The following SYT16 variants were observed in gnomAD, a reference collection of about 807,000 sequenced individuals.
SYT16 encodes the protein synaptotagmin-16.
SYT16 carries 42 observed loss-of-function variants against 61.4 expected under a neutral mutation model. The ratio of observed to expected loss-of-function variants is 0.68; its 90% CI spans 0.53 to 0.89. The LOEUF is 0.89. Among genes scored for constraint, SYT16 ranks in the 40% least tolerant of loss-of-function variants. SYT16 has a pLI of 0.00. For missense variants in SYT16, 804 were observed against 807.3 expected (o/e 1.00, Z 0.05); for synonymous variants, 314 against 302.3 (o/e 1.04, Z -0.40).
intron 1 of SYT16, among the ~76,000 whole-genome samples, chr14:61,859,141 G>A (rs555060571): frequency 1.3e-5 from 2 of 152,086 alleles, no homozygotes; most frequent in East Asian, 1.9e-4. Flanking sequence ...TTACAGGCGT[G>A]AGCCACCGCG....
intron 1 of SYT16, among the ~76,000 whole-genome samples, chr14:61,922,846 G>A (rs1027861111): frequency 2.6e-5 from 4 of 152,112 alleles, no homozygotes; most frequent in African/African-American, 4.8e-5. Flanking sequence ...TCAGGAGTTC[G>A]AGACAAGCCT....
chr14:61,885,108 T>A (rs1566651510), intron 1 of SYT16, among the ~76,000 whole-genome samples: 1 of 152,192 alleles, frequency 6.6e-6, no homozygotes, highest in Non-Finnish European at 1.5e-5. Context: ...TCATCACAAT[T>A]TCATTATCTG....
At chr14:62,012,369 G>A (rs1347241724) in intron 3 of SYT16, among the ~76,000 whole-genome samples, 1 of 152,212 alleles carries the variant, frequency 6.6e-6, no homozygotes, top group Non-Finnish European at 1.5e-5. Flanking sequence ...AACTGCTGGA[G>A]GCTGTCTGTG....
chr14:62,074,922 C>G (rs1041509892), intron 4 of SYT16, among the ~76,000 whole-genome samples: 2 of 152,168 alleles, frequency 1.3e-5, no homozygotes, highest in Non-Finnish European at 2.9e-5. Flanking sequence ...AAGTATTAAG[C>G]CTTCTGATAC....
intron 1 of SYT16, among the ~76,000 whole-genome samples, chr14:61,817,419 C>CA (rs58438991): frequency 0.019 from 1,590 of 82,384 alleles, 15 homozygotes; most frequent in South Asian, 0.072. Flanking sequence ...ACTCCATCTC[C>CA]AAAAAAAAAA....
chr14:61,898,603 A>C (rs917884388), intron 1 of SYT16, among the ~76,000 whole-genome samples: 3 of 152,254 alleles, frequency 2.0e-5, no homozygotes, highest in Admixed American at 6.5e-5. Context: ...AGATCTGTGC[A>C]CATTGGAACT....
intron 3 of SYT16, among the ~76,000 whole-genome samples, chr14:62,015,942 C>G (rs2053655917): frequency 6.6e-6 from 1 of 152,218 alleles, no homozygotes; most frequent in Non-Finnish European, 1.5e-5. Context: ...TTAATTGTTT[C>G]TTTGAGATAT....
In SYT16 at chr14:62,010,353, T is replaced by C. The variant is rs148934092; in HGVS notation, c.523+13811T>C. Among the ~76,000 whole-genome samples, 652 of 152,244 alleles carry C rather than the reference T, an allele frequency of 4.3e-3. 4 individuals carry two copies. Among genetic ancestry groups the C allele is most frequent in the African/African-American group, 0.015 (629 of 41,542 alleles). ...GATGAATGCTACCTTAATAGGGTGG[T>C]CCTATATTTTATAGGATGATCTCTC... On this transcript the variant is annotated intron_variant, in intron 3 of 7. Transcript: ENST00000683842.
Position 62,075,244 on chromosome 14 carries a change from C to T in SYT16, c.846C>T (p.His282=), listed in dbSNP as rs1566823469. The T allele has an allele frequency of 6.2e-7, 1 of 1,613,876 alleles. No homozygotes were observed. The highest frequency in any genetic ancestry group is 8.5e-7 in the Non-Finnish European group (1 of 1,179,836). The change falls in exon 5 of 8, where the codon CAC becomes CAT. Residue 282 remains histidine (H), a synonymous_variant. Coordinates refer to ENST00000683842, the MANE Select transcript of SYT16 (RefSeq NM_001367656.1). ...CATGTGAAAGAGGGGATGCCAAACA[C>T]CACGGCACATCTCACCAAGAGTCCA... is the stretch of plus-strand genomic sequence containing the variant. ...QSPCERGDAK[H]HGTSHQESSV...
chr14:62,085,889 A>G (rs2056869072), intron 7 of SYT16, among the ~76,000 whole-genome samples: 1 of 152,160 alleles, frequency 6.6e-6, no homozygotes, highest in Non-Finnish European at 1.5e-5. Context: ...TTTACTAGAG[A>G]TCTGTCTGGA....
At chr14:62,003,805 A>C (rs1231481228) in intron 3 of SYT16, among the ~76,000 whole-genome samples, 1 of 152,186 alleles carries the variant, frequency 6.6e-6, no homozygotes, top group East Asian at 1.9e-4. Flanking sequence ...ATCCTATAAA[A>C]AAAGTTTGTG....
intron 1 of SYT16, among the ~76,000 whole-genome samples, chr14:61,819,822 A>G (rs978340997): frequency 2.0e-5 from 3 of 152,234 alleles, no homozygotes; most frequent in African/African-American, 7.2e-5. Flanking sequence ...AAGGCTGGGT[A>G]AGAGGTAAAT....
intron 1 of SYT16, among the ~76,000 whole-genome samples, chr14:61,915,285 A>G (rs1414649238): frequency 2.0e-5 from 3 of 152,124 alleles, no homozygotes; most frequent in Admixed American, 1.3e-4. Flanking sequence ...TGTTCTCAAG[A>G]TACTTAACAT....
intron 3 of SYT16, among the ~76,000 whole-genome samples, chr14:62,048,807 T>C (rs1158016209): frequency 1.3e-5 from 2 of 152,228 alleles, no homozygotes; most frequent in African/African-American, 4.8e-5. Context: ...TTCTGAATCC[T>C]GAGTTCTAGT....
At chr14:61,869,405 A>G (rs2047259047) in intron 1 of SYT16, among the ~76,000 whole-genome samples, 1 of 151,896 alleles carries the variant, frequency 6.6e-6, no homozygotes, top group Non-Finnish European at 1.5e-5. Flanking sequence ...TTTTTGGCTT[A>G]TTAGCTCTAT....
At chr14:62,079,522 G>C (rs373548528) in intron 5 of SYT16, 182 of 210,872 alleles carry the variant, frequency 8.6e-4, no homozygotes, top group African/African-American at 4.1e-3. Flanking sequence ...GTAGGCCTGG[G>C]CTTCCTAAGG....
rs144014858 is a variant in SYT16 at position 61,846,090 on chromosome 14, A to G, written c.-325+33280A>G. ...TGTTTTTTGACCTAACATATGGTCTATTCATGTGCTGGGGAAAAGAATGTG... is the reference window on the plus strand; with the variant it reads ...TGTTTTTTGACCTAACATATGGTCTGTTCATGTGCTGGGGAAAAGAATGTG... On this transcript the variant is annotated intron_variant, in intron 1 of 7. Coordinates refer to ENST00000683842, the MANE Select transcript of SYT16 (RefSeq NM_001367656.1). Among the ~76,000 whole-genome samples the G allele has an allele frequency of 1.1e-4, 17 of 152,300 alleles. No homozygotes were observed. In the South Asian group the frequency reaches 2.9e-3, roughly 26 times the overall value.
chr14:61,996,643 T>A, intron 3 of SYT16, 101 bp downstream of exon 3: 4 of 1,403,222 alleles, frequency 2.9e-6, no homozygotes, highest in Non-Finnish European at 3.8e-6. Flanking sequence ...TTTATTTTTC[T>A]CTCTCTTATA....
intron 1 of SYT16, among the ~76,000 whole-genome samples, chr14:61,818,692 A>G (rs930948560): frequency 1.3e-5 from 2 of 151,734 alleles, no homozygotes; most frequent in African/African-American, 4.9e-5. Flanking sequence ...AAAAAAAAAA[A>G]AAACAGCATT....
Sources: gnomAD v4.1 joint callset for allele counts (sites outside exome capture counted in the v4.1 genomes callset) on GRCh38, gnomAD v4.1.1 for gene constraint, MANE v1.5 for transcripts, NCBI Gene and HGNC (gene_info 2026-07-23, HGNC 2026-07-21) for gene names.